Variants in TLE4 observed in about 807,000 individuals in gnomAD.
TLE4 encodes TLE family member 4, transcriptional corepressor.
In TLE4, 8 loss-of-function variants were observed where a neutral mutation model predicts 92.8. The ratio of observed to expected loss-of-function variants is 0.09; its 90% confidence interval spans 0.05 to 0.16. TLE4 has a LOEUF of 0.16. Ranked by LOEUF, TLE4 falls within the 10% of genes least tolerant of loss-of-function variation. The probability of loss-of-function intolerance (pLI) is 1.00; values close to 1 mark genes in which losing one functional copy is unlikely to be tolerated. For synonymous variants in TLE4, 371 were observed against 374.1 expected, an observed-to-expected ratio of 0.99 and a Z score of 0.10; for missense variants, 675 against 997.6, an observed-to-expected ratio of 0.68 and a Z score of 4.36.
chr9:79,687,198 G>C (rs1303712559), intron 8 of TLE4, among the ~76,000 whole-genome samples: 1 of 152,176 alleles, frequency 6.6e-6, no homozygotes, highest in Non-Finnish European at 1.5e-5. Context: ...TCCAGCCGTG[G>C]GTGATGCAAC....
intron 8 of TLE4, among the ~76,000 whole-genome samples, chr9:79,697,239 G>A (rs1339062543): frequency 6.6e-6 from 1 of 152,160 alleles, no homozygotes; most frequent in African/African-American, 2.4e-5. Context: ...AATGACTTTG[G>A]GGTGATAGGT....
chr9:79,703,562 A>G (rs2070582054), intron 8 of TLE4, among the ~76,000 whole-genome samples: 1 of 152,188 alleles, frequency 6.6e-6, no homozygotes, highest in Non-Finnish European at 1.5e-5. Context: ...AGATAGAGTC[A>G]TTCTCTGCTT....
At chr9:79,629,372 T>C (rs2053588176) in intron 6 of TLE4, among the ~76,000 whole-genome samples, 1 of 152,144 alleles carries the variant, frequency 6.6e-6, no homozygotes, top group African/African-American at 2.4e-5. Flanking sequence ...TAATATTGTT[T>C]TATATTTATT....
chr9:79,717,768 G>C (rs1456847797), intron 14 of TLE4, among the ~76,000 whole-genome samples: 1 of 152,202 alleles, frequency 6.6e-6, no homozygotes, highest in Non-Finnish European at 1.5e-5. Flanking sequence ...AAGCAGAGCA[G>C]ATTCCCAAGC....
At chr9:79,649,121 A>G (rs893464088) in intron 6 of TLE4, among the ~76,000 whole-genome samples, 21 of 152,186 alleles carry the variant, frequency 1.4e-4, no homozygotes, top group Non-Finnish European at 5.9e-5. Context: ...CCTCGGTTTT[A>G]TAAGAATGGT....
chr9:79,710,044 A>G (rs2072840346), intron 14 of TLE4, among the ~76,000 whole-genome samples: 1 of 152,204 alleles, frequency 6.6e-6, no homozygotes, highest in African/African-American at 2.4e-5. Context: ...ATGTTGGGAA[A>G]AGACATGCCA....
chr9:79,613,588 A>G (rs1268183612), intron 5 of TLE4, among the ~76,000 whole-genome samples: 2 of 152,280 alleles, frequency 1.3e-5, no homozygotes, highest in African/African-American at 2.4e-5. Flanking sequence ...AAATATCTGC[A>G]TGTCTTGTAG....
At chr9:79,574,454 T>C (rs2037057712) in intron 2 of TLE4, among the ~76,000 whole-genome samples, 1 of 152,216 alleles carries the variant, frequency 6.6e-6, no homozygotes, top group Non-Finnish European at 1.5e-5. Context: ...CATGCTTGAT[T>C]CATATTTTCA....
chr9:79,649,883 T>TTTG (rs748102823), intron 6 of TLE4: 94 of 1,347,080 alleles, frequency 7.0e-5, no homozygotes, highest in East Asian at 1.8e-4. Flanking sequence ...CTGAGGGCTT[T>TTTG]TTGTTGTTGT....
At chr9:79,612,809 C>A (rs375910008) in intron 5 of TLE4, 91 bp downstream of exon 5, 4 of 1,075,768 alleles carry the variant, frequency 3.7e-6, no homozygotes, top group Admixed American at 3.5e-5. Context: ...TCTGGCCTTG[C>A]CAGTCTCTTG....
intron 8 of TLE4, among the ~76,000 whole-genome samples, chr9:79,686,127 A>C (rs2065799791): frequency 6.6e-6 from 1 of 152,180 alleles, no homozygotes; most frequent in South Asian, 2.1e-4. Context: ...GGATGTGTCT[A>C]GGTTATATGC....
At chr9:79,612,509 C>A in intron 4 of TLE4, 147 bp from the exon 5 acceptor site, 1 of 679,590 alleles carries the variant, frequency 1.5e-6, no homozygotes, top group South Asian at 1.7e-5. Flanking sequence ...TTTTAATGGG[C>A]TTACTGATGA....
intron 5 of TLE4, among the ~76,000 whole-genome samples, chr9:79,623,214 A>C (rs1285659702): frequency 6.6e-6 from 1 of 151,446 alleles, no homozygotes; most frequent in East Asian, 1.9e-4. Context: ...TTTTTTTTTA[A>C]TTCTGAGGTG....
rs764211536 is a variant in TLE4, at chr9:79,652,752, A to T, written c.550A>T (p.Ile184Phe). The part of the protein sequence containing the change: ...SALGGQSHLP[I>F]KDEKKHHDND... ...TCTAGGAGGTCAGTCCCATCTTCCAATTAAAGATGAGAAGAAGCACCATGA... is the reference window on the plus strand; with the variant it reads ...TCTAGGAGGTCAGTCCCATCTTCCATTTAAAGATGAGAAGAAGCACCATGA... Residue 184 changes from isoleucine (I) to phenylalanine (F), a missense_variant, in exon 7 of 20, where the codon ATT becomes TTT. This residue lies in a region of TLE4 where 280 missense variants were observed against 287.3 expected (regional missense o/e 0.97). Coordinates refer to ENST00000376552, the MANE Select transcript of TLE4 (RefSeq NM_007005.6). 2 of 1,614,128 alleles carry T rather than the reference A, an allele frequency of 1.2e-6. No individual in the cohort carries two copies. The highest frequency in any genetic ancestry group is 8.5e-7 in the Non-Finnish European group (1 of 1,180,022).
intron 4 of TLE4, among the ~76,000 whole-genome samples, chr9:79,584,744 G>A (rs2040630144): frequency 6.6e-6 from 1 of 152,204 alleles, no homozygotes; most frequent in Admixed American, 6.5e-5. Flanking sequence ...GGTCTGTGTT[G>A]TCTACTAGTT....
At chr9:79,598,128 A>C (rs1244672025) in intron 4 of TLE4, among the ~76,000 whole-genome samples, 1 of 151,202 alleles carries the variant, frequency 6.6e-6, no homozygotes, top group Admixed American at 6.6e-5. Context: ...ATGTGCCTGT[A>C]ATCTCAGCTG....
chr9:79,667,174 C>T (rs1431413454), intron 8 of TLE4, among the ~76,000 whole-genome samples: 2 of 152,136 alleles, frequency 1.3e-5, no homozygotes, highest in Non-Finnish European at 2.9e-5. Context: ...CTGAGTAAAC[C>T]CTGGAAGTGG....
At chr9:79,681,070 A>T (rs996325580) in intron 8 of TLE4, among the ~76,000 whole-genome samples, 3 of 152,108 alleles carry the variant, frequency 2.0e-5, no homozygotes, top group Non-Finnish European at 2.9e-5. Flanking sequence ...TTCATCAAGG[A>T]TATTGGTCTA....
At chr9:79,584,483 C>T (rs547127551) in intron 4 of TLE4, among the ~76,000 whole-genome samples, 5 of 152,280 alleles carry the variant, frequency 3.3e-5, no homozygotes, top group African/African-American at 1.2e-4. Flanking sequence ...TAGATACTTA[C>T]CTGTTTATTT....
Sources: gnomAD v4.1 joint callset for allele counts (sites outside exome capture counted in the v4.1 genomes callset) on GRCh38, gnomAD v4.1.1 for gene constraint, gnomAD v4.1.1 regional missense constraint, MANE v1.5 for transcripts, NCBI Gene and HGNC (gene_info 2026-07-23, HGNC 2026-07-21) for gene names.